VSTM2B: variants seen among roughly 807,000 people sequenced by gnomAD.
VSTM2B encodes the protein V-set and transmembrane domain containing 2B.
VSTM2B carries 24 observed loss-of-function variants against 24.0 expected under a neutral mutation model. That is an observed-to-expected ratio of 1.00 (90% CI 0.72 to 1.40). The LOEUF (loss-of-function observed/expected upper bound fraction) is 1.40, where lower values mean the gene tolerates loss of function less well. Among genes scored for constraint, VSTM2B ranks in the 40% most tolerant of loss-of-function variants. The pLI, the probability that VSTM2B is intolerant of heterozygous loss-of-function variation, is 0.00. For missense variants in VSTM2B, 399 were observed against 416.4 expected (o/e 0.96, Z 0.36); for synonymous variants, 226 against 194.4 (o/e 1.16, Z -1.35).
chr19:29,538,759 G>C (rs1195816118), intron 4 of VSTM2B, among the ~76,000 whole-genome samples: 1 of 152,034 alleles, frequency 6.6e-6, no homozygotes, highest in Non-Finnish European at 1.5e-5. Context: ...GATGTGCCAG[G>C]CTCTTTAAAC....
At chr19:29,544,998 G>A (rs1203176661) in intron 4 of VSTM2B, among the ~76,000 whole-genome samples, 4 of 152,178 alleles carry the variant, frequency 2.6e-5, no homozygotes, top group Non-Finnish European at 4.4e-5. Context: ...AGAGAAGACA[G>A]GGGTCAGACA....
rs889934054 is a variant in VSTM2B, at chr19:29,564,236, T to C, written c.*302T>C. The C allele has an allele frequency of 2.2e-5, 6 of 268,728 alleles. No individual in the cohort carries two copies. The highest frequency in any genetic ancestry group is 1.2e-3 in the Middle Eastern group (1 of 844). The allele number at this position is 268,728 out of a possible 1,614,324, so 16.6% of individuals were successfully genotyped here. A position where few individuals can be genotyped will look rare whatever the true frequency, so the allele number is the denominator to read the frequency against. On this transcript the variant is annotated 3_prime_UTR_variant, in exon 5 of 5. Coordinates refer to ENST00000335523, the MANE Select transcript of VSTM2B (RefSeq NM_001146339.2). ...CTCCAAGTCTTCATTTTGCACGAAC[T>C]GTTGAGCAGTTATCTTTAGGATAAT...
chr19:29,527,713 G>T (rs1321445168), intron 2 of VSTM2B, among the ~76,000 whole-genome samples: 1 of 152,138 alleles, frequency 6.6e-6, no homozygotes, highest in Admixed American at 6.5e-5. Flanking sequence ...GCTGGGTAGT[G>T]AAGGAAGCCC....
At chr19:29,558,375 A>G (rs1444327841) in intron 4 of VSTM2B, among the ~76,000 whole-genome samples, 1 of 152,232 alleles carries the variant, frequency 6.6e-6, no homozygotes, top group Non-Finnish European at 1.5e-5. Context: ...TACCCAAAGG[A>G]ATATAAATCA....
At chr19:29,542,596 A>G (rs952246511) in intron 4 of VSTM2B, among the ~76,000 whole-genome samples, 2 of 152,026 alleles carry the variant, frequency 1.3e-5, no homozygotes, top group African/African-American at 4.8e-5. Flanking sequence ...GAATGGATGG[A>G]TGGATGGATT....
chr19:29,560,661 C>A (rs1009324756), intron 4 of VSTM2B, among the ~76,000 whole-genome samples: 1 of 152,220 alleles, frequency 6.6e-6, no homozygotes, highest in Middle Eastern at 3.2e-3. Context: ...TAGCCCCCAC[C>A]CTGGCCCAGC....
At chr19:29,546,234 T>A (rs1970151412) in intron 4 of VSTM2B, among the ~76,000 whole-genome samples, 2 of 152,146 alleles carry the variant, frequency 1.3e-5, no homozygotes, top group Non-Finnish European at 2.9e-5. Flanking sequence ...CCTGGGTGCA[T>A]GCAGCCCCCA....
At chr19:29,535,674 C>T (rs1969873158) in intron 4 of VSTM2B, among the ~76,000 whole-genome samples, 1 of 152,164 alleles carries the variant, frequency 6.6e-6, no homozygotes, top group Non-Finnish European at 1.5e-5. Flanking sequence ...GGGCCGTGGG[C>T]AAGGTGGAGA....
chr19:29,532,536 C>A (rs1277585289), intron 4 of VSTM2B, among the ~76,000 whole-genome samples: 1 of 152,172 alleles, frequency 6.6e-6, no homozygotes, highest in East Asian at 1.9e-4. Flanking sequence ...CAGGCTGGGA[C>A]GTACCTCTAG....
At chr19:29,531,889 G>A (rs999488079) in intron 4 of VSTM2B, among the ~76,000 whole-genome samples, 15 of 152,260 alleles carry the variant, frequency 9.9e-5, no homozygotes, top group Non-Finnish European at 1.6e-4. Context: ...GTTCCATGCA[G>A]TCATCCAGGG....
intron 3 of VSTM2B, among the ~76,000 whole-genome samples, chr19:29,529,496 C>T (rs999980117): frequency 1.3e-5 from 2 of 152,194 alleles, no homozygotes; most frequent in Admixed American, 1.3e-4. Flanking sequence ...GAGAGGTGGA[C>T]TCTGCCCTTC....
chr19:29,544,552 A>C (rs958461656), intron 4 of VSTM2B, among the ~76,000 whole-genome samples: 5 of 150,234 alleles, frequency 3.3e-5, no homozygotes, highest in East Asian at 3.9e-4. Context: ...AAAAAAAAAA[A>C]AAAACTGAAT....
chr19:29,536,437 A>T (rs1421021040), intron 4 of VSTM2B, among the ~76,000 whole-genome samples: 1 of 152,222 alleles, frequency 6.6e-6, no homozygotes, highest in Admixed American at 6.5e-5. Flanking sequence ...CACCAAATGG[A>T]ATGGCCTTTG....
rs1969691390 is a variant in VSTM2B, at chr19:29,529,904, G to T, written c.383G>T (p.Arg128Leu). 3 of 1,550,238 alleles carry T rather than the reference G, an allele frequency of 1.9e-6. No individual in the cohort carries two copies. Among genetic ancestry groups the T allele is most frequent in the Non-Finnish European group, 2.6e-6 (3 of 1,146,894 alleles). ...RLQDEGVYEC[R>L]VSDYSDDDTQ... The stretch of plus-strand genomic sequence containing the variant: ...CAGGACGAGGGCGTGTACGAGTGCC[G>T]CGTGTCGGACTACAGCGACGACGAC... The change falls in exon 4 of 5, where the codon CGC (arginine) becomes CTC (leucine). Residue 128 changes from arginine (R) to leucine (L), a missense_variant. Coordinates refer to ENST00000335523, the MANE Select transcript of VSTM2B (RefSeq NM_001146339.2).
intron 4 of VSTM2B, among the ~76,000 whole-genome samples, chr19:29,546,158 C>T (rs1283761163): frequency 6.6e-6 from 1 of 152,094 alleles, no homozygotes; most frequent in Non-Finnish European, 1.5e-5. Flanking sequence ...TTGAAAGAGC[C>T]AGAGAGGAAC....
intron 4 of VSTM2B, among the ~76,000 whole-genome samples, chr19:29,544,981 C>T (rs560425212): frequency 1.6e-4 from 24 of 152,306 alleles, no homozygotes; most frequent in Admixed American, 6.5e-4. Flanking sequence ...CAGGCACACC[C>T]GCTAGCAGAG....
chr19:29,533,662 T>C (rs1187986580), intron 4 of VSTM2B, among the ~76,000 whole-genome samples: 1 of 152,202 alleles, frequency 6.6e-6, no homozygotes, highest in East Asian at 1.9e-4. Flanking sequence ...GGAACCATGC[T>C]CAGTCTTGTG....
chr19:29,533,372 GTC>G (rs1969806030), intron 4 of VSTM2B, among the ~76,000 whole-genome samples: 1 of 152,150 alleles, frequency 6.6e-6, no homozygotes, highest in African/African-American at 2.4e-5. Flanking sequence ...GGCCTCTGAG[GTC>G]TCTGTCACCC....
intron 4 of VSTM2B, among the ~76,000 whole-genome samples, chr19:29,551,565 T>A (rs770165237): frequency 1.7e-4 from 26 of 152,112 alleles, no homozygotes; most frequent in Non-Finnish European, 3.2e-4. Context: ...ATGATAAAAA[T>A]TAATATCTTA....
Sources: gnomAD v4.1 joint callset for allele counts (sites outside exome capture counted in the v4.1 genomes callset) on GRCh38, gnomAD v4.1.1 for gene constraint, MANE v1.5 for transcripts, NCBI Gene and HGNC (gene_info 2026-07-23, HGNC 2026-07-21) for gene names.